TRIM14: variants seen among roughly 807,000 people sequenced by gnomAD.
TRIM14 encodes the protein tripartite motif-containing protein 14.
TRIM14 carries 28 observed loss-of-function variants against 44.5 expected under a neutral mutation model. The observed-to-expected ratio is 0.63, with a 90% CI of 0.47 to 0.86. The LOEUF (loss-of-function observed/expected upper bound fraction) is 0.86. Ranked by LOEUF, TRIM14 falls within the 40% of genes least tolerant of loss-of-function variation. The pLI is 0.00. For missense variants in TRIM14, 607 were observed against 611.1 expected (o/e 0.99, Z 0.07); for synonymous variants, 299 against 269.2 (o/e 1.11, Z -1.08).
chr9:98,061,132 G>A, the TRIM14 span: 1 of 792,396 alleles, frequency 1.3e-6, no homozygotes, highest in African/African-American at 1.7e-5. Context: ...GAGGCTAGCA[G>A]GCGCCAAAGC....
intron 1 of TRIM14, among the ~76,000 whole-genome samples, chr9:98,116,708 G>A (rs1827065813): frequency 6.6e-6 from 1 of 152,014 alleles, no homozygotes. Flanking sequence ...GCCAGGTGTG[G>A]TGGTGCATAC....
At chr9:98,062,209 A>G in the TRIM14 span, among the ~76,000 whole-genome samples, 3 of 149,382 alleles carry the variant, frequency 2.0e-5, no homozygotes, top group Admixed American at 6.9e-5. Context: ...CTGTCTCTTA[A>G]TAAAAAAAAA....
chr9:98,109,847 T>C lies in TRIM14; in HGVS notation c.303+42A>G, dbSNP rs746022368. ...GGGGTCCCTTTTGTCTGGGGGGAAA[T>C]GTGGGTCTTTCCATGGGTATGAGGA... is the stretch of plus-strand genomic sequence containing the variant. On this transcript the variant is annotated intron_variant, in intron 2 of 5. Transcript: ENST00000341469. The C allele has an allele frequency of 3.3e-6, 5 of 1,520,674 alleles. No homozygotes were observed. The South Asian group carries it at 5.6e-5, about 17-fold the overall frequency. The allele number at this position is 1,520,674 out of a possible 1,614,324, so 94.2% of individuals were successfully genotyped here.
chr9:98,054,169 T>C, the TRIM14 span, among the ~76,000 whole-genome samples: 3 of 152,032 alleles, frequency 2.0e-5, no homozygotes, highest in African/African-American at 7.3e-5. Flanking sequence ...AATGTGACCA[T>C]ACTTACAGAG....
chr9:98,059,117 G>A, the TRIM14 span, among the ~76,000 whole-genome samples: 7 of 151,816 alleles, frequency 4.6e-5, no homozygotes, highest in Non-Finnish European at 8.8e-5. Flanking sequence ...TCCGCCTCCT[G>A]GGTTCACACC....
intron 1 of TRIM14, among the ~76,000 whole-genome samples, chr9:98,112,609 A>G (rs1434328253): frequency 5.3e-5 from 8 of 150,970 alleles, no homozygotes; most frequent in African/African-American, 1.9e-4. Context: ...GACCAGCCTG[A>G]CCAACATGGA....
intron 5 of TRIM14, 65 bp from the exon 6 acceptor site, chr9:98,088,070 A>T: frequency 7.2e-7 from 1 of 1,383,448 alleles, no homozygotes; most frequent in African/African-American, 1.5e-5. Flanking sequence ...CGCCCCCGGG[A>T]ACCCACCAAC....
downstream of TRIM14, among the ~76,000 whole-genome samples, chr9:98,064,969 A>T (rs537986144): frequency 1.2e-4 from 18 of 152,130 alleles, no homozygotes; most frequent in Non-Finnish European, 2.6e-4. Context: ...TTAGTTAGAT[A>T]TATTGCTGAT....
intron 6 of TRIM14, among the ~76,000 whole-genome samples, chr9:98,073,683 C>T (rs1829455934): frequency 6.6e-6 from 1 of 152,016 alleles, no homozygotes; most frequent in Non-Finnish European, 1.5e-5. Context: ...TCTTTCCTTA[C>T]CCCTGACTCA....
At chr9:98,060,664 C>CT in the TRIM14 span, 22 of 1,024,488 alleles carry the variant, frequency 2.1e-5, no homozygotes, top group South Asian at 3.0e-4. Flanking sequence ...GAGCGAAACT[C>CT]TGTCTCTAAA....
chr9:98,054,745 A>C, the TRIM14 span, among the ~76,000 whole-genome samples: 1 of 152,128 alleles, frequency 6.6e-6, no homozygotes, highest in Non-Finnish European at 1.5e-5. Context: ...CCAGTCCAAA[A>C]CTAGGTGGCC....
Position 98,084,827 on chromosome 9 carries a change from G to A in TRIM14, c.*2643C>T, listed in dbSNP as rs2181583. 11,316 of 152,034 alleles carry A rather than the reference G, an allele frequency of 0.074. 521 individuals are homozygous for A. Among genetic ancestry groups the A allele is most frequent in the Admixed American group, 0.13 (1,917 of 15,266 alleles). 9.4% of individuals were successfully genotyped at this position (152,034 alleles called of 1,614,324 possible). ...TGGGATTACAGGCATGCACCACCAC[G>A]CCCAGCTAATTTTTGTATAGGACTA... is the stretch of plus-strand genomic sequence containing the variant. On this transcript the variant is annotated 3_prime_UTR_variant, in exon 6 of 6. Coordinates refer to ENST00000341469, the MANE Select transcript of TRIM14 (RefSeq NM_014788.4).
rs747568190 is a variant in TRIM14 at position 98,078,199 on chromosome 9, C to T, written c.*29-8512G>A. The T allele has an allele frequency of 2.5e-6, 4 of 1,614,186 alleles. No individual in the cohort carries two copies. The South Asian group carries it at 4.4e-5, about 18-fold the overall frequency. ...TTGGTGCTGGATTACTCAGGTCGCCCAATGGTGATCTCCAGTGGGATGCAG... is the reference window on the plus strand; with the variant it reads ...TTGGTGCTGGATTACTCAGGTCGCCTAATGGTGATCTCCAGTGGGATGCAG... On this transcript the variant is annotated intron_variant, in intron 6 of 6. Transcript: ENST00000375098.
intron 1 of TRIM14, among the ~76,000 whole-genome samples, chr9:98,115,626 C>T (rs768128342): frequency 6.6e-6 from 1 of 152,108 alleles, no homozygotes; most frequent in Non-Finnish European, 1.5e-5. Flanking sequence ...TCAACTGATC[C>T]GCCCACCACA....
At chr9:98,077,473 G>GTGT (rs1277794044) in intron 6 of TRIM14, among the ~76,000 whole-genome samples, 2 of 151,700 alleles carry the variant, frequency 1.3e-5, no homozygotes, top group African/African-American at 2.4e-5. Flanking sequence ...GCCTCCCAAA[G>GTGT]TGTTGGGATT....
At chr9:98,106,776 A>G (rs1715086555) in intron 2 of TRIM14, among the ~76,000 whole-genome samples, 2 of 152,120 alleles carry the variant, frequency 1.3e-5, no homozygotes, top group Non-Finnish European at 1.5e-5. Flanking sequence ...AAACAGGTTT[A>G]ACACAATTCC....
the TRIM14 span, among the ~76,000 whole-genome samples, chr9:98,055,342 T>A: frequency 6.6e-6 from 1 of 152,202 alleles, no homozygotes; most frequent in South Asian, 2.1e-4. Context: ...TTTTTAAGGA[T>A]AATGTGGTGG....
At chr9:98,097,155 C>T (rs1826216542) in intron 3 of TRIM14, among the ~76,000 whole-genome samples, 1 of 152,172 alleles carries the variant, frequency 6.6e-6, no homozygotes, top group Non-Finnish European at 1.5e-5. Flanking sequence ...GATTGAGCCA[C>T]TGCATTCTAG....
rs770495045 is a variant in TRIM14, at chr9:98,087,498, C to T, written c.1301G>A (p.Gly434Glu). Residue 434 changes from glycine to glutamate, a missense_variant, in exon 6 of 6, where the codon GGG (glycine) becomes GAG (glutamate). Transcript: ENST00000341469. ...GGGCAGCCGGGGGATGCTGATGGCCCCCTCCCAGAGCCGCAGGGCCGGGTA... is the reference window on the plus strand; with the variant it reads ...GGGCAGCCGGGGGATGCTGATGGCCTCCTCCCAGAGCCGCAGGGCCGGGTA... ...PLYPALRLWE[G>E]AISIPRLP The T allele has an allele frequency of 9.4e-6, 15 of 1,601,476 alleles. 1 individual carries two copies. In the South Asian group the frequency reaches 1.1e-4, roughly 12 times the overall value.
Sources: gnomAD v4.1 joint callset for allele counts (sites outside exome capture counted in the v4.1 genomes callset) on GRCh38, gnomAD v4.1.1 for gene constraint, MANE v1.5 for transcripts, NCBI Gene and HGNC (gene_info 2026-07-23, HGNC 2026-07-21) for gene names.